EPB41L2: variants seen among roughly 807,000 people sequenced by gnomAD.
The protein encoded by EPB41L2 is band 4.1-like protein 2.
Under a neutral mutation model 113.0 loss-of-function variants are expected in EPB41L2, and 43 were observed. The observed-to-expected ratio is 0.38, with a 90% CI of 0.30 to 0.49. The LOEUF (loss-of-function observed/expected upper bound fraction) is 0.49. Ranked by LOEUF, EPB41L2 falls within the 20% of genes least tolerant of loss-of-function variation. EPB41L2 has a pLI of 0.95. For synonymous variants in EPB41L2, 442 were observed against 436.7 expected (o/e 1.01, Z -0.15); for missense variants, 1,147 against 1,223.4 (o/e 0.94, Z 0.93).
rs962163777 is a variant in EPB41L2 at position 130,880,326 on chromosome 6, A to C, written c.1834-120T>G. ...AGACATTAAAATAAAAGAGGAATAC[A>C]AATCTTATGAACTTAAAGCCACAAC... On this transcript the variant is annotated intron_variant, in intron 12 of 19. Coordinates refer to ENST00000337057, the MANE Select transcript of EPB41L2 (RefSeq NM_001431.4). 2.9e-5 allele frequency: 20 copies of C among 678,958 alleles called. 1 individual carries two copies. In the South Asian group the frequency reaches 3.7e-4, roughly 13 times the overall value. 42.1% of individuals were successfully genotyped at this position (678,958 alleles called of 1,614,324 possible). A position where few individuals can be genotyped will look rare whatever the true frequency, so the allele number is the denominator to read the frequency against.
intron 1 of EPB41L2, among the ~76,000 whole-genome samples, chr6:130,999,705 C>T (rs1424678392): frequency 6.6e-6 from 1 of 152,080 alleles, no homozygotes; most frequent in Non-Finnish European, 1.5e-5. Flanking sequence ...AGAAAACATG[C>T]TAAAATTAAT....
chr6:130,942,160 A>G (rs746072775), intron 3 of EPB41L2, among the ~76,000 whole-genome samples: 1 of 152,244 alleles, frequency 6.6e-6, no homozygotes, highest in Admixed American at 6.5e-5. Flanking sequence ...AATTCTGTCC[A>G]TGTTTCCACT....
intron 1 of EPB41L2, among the ~76,000 whole-genome samples, chr6:131,060,342 T>C (rs1287033167): frequency 6.6e-6 from 1 of 152,266 alleles, no homozygotes; most frequent in African/African-American, 2.4e-5. Context: ...CAGAACCTGA[T>C]GTTAAACATA....
At chr6:130,911,218 C>T (rs1583355253) in intron 4 of EPB41L2, among the ~76,000 whole-genome samples, 1 of 152,146 alleles carries the variant, frequency 6.6e-6, no homozygotes, top group East Asian at 1.9e-4. Flanking sequence ...AGTTCATGTC[C>T]TTTGCAGGGA....
intron 1 of EPB41L2, among the ~76,000 whole-genome samples, chr6:130,969,427 T>TAAACGCAAGA (rs1776211754): frequency 6.6e-6 from 1 of 152,204 alleles, no homozygotes; most frequent in Non-Finnish European, 1.5e-5. Flanking sequence ...GCTAGACTGT[T>TAAACGCAAGA]AGATTATATA....
In EPB41L2 at chr6:130,980,327, G is replaced by C. The variant is rs768501480; in HGVS notation, c.-14-23828C>G. 2.0e-5 allele frequency among the ~76,000 whole-genome samples: 3 copies of C among 152,102 alleles called. 1 individual carries two copies. Among genetic ancestry groups the C allele is most frequent in the South Asian group, 4.2e-4 (2 of 4,808 alleles). On this transcript the variant is annotated intron_variant, in intron 1 of 19. Transcript: ENST00000337057. Reference sequence around the variant, plus strand: ...TGTATGTTTAGGCTGTTTTTGTTTGGTGCAGTCTTTCGGTGGGAGAGATAG... The same window carrying C: ...TGTATGTTTAGGCTGTTTTTGTTTGCTGCAGTCTTTCGGTGGGAGAGATAG...
intron 19 of EPB41L2, among the ~76,000 whole-genome samples, chr6:130,847,847 A>T (rs1777496228): frequency 6.6e-6 from 1 of 152,168 alleles, no homozygotes; most frequent in South Asian, 2.1e-4. Flanking sequence ...GTTCTACAAA[A>T]TCTTAAAGCT....
intron 11 of EPB41L2, among the ~76,000 whole-genome samples, chr6:130,888,917 C>G (rs1791909121): frequency 6.6e-6 from 1 of 152,274 alleles, no homozygotes; most frequent in Non-Finnish European, 1.5e-5. Flanking sequence ...CAAATCCTGG[C>G]AAATATCTCT....
At chr6:130,985,176 C>T (rs1437603740) in intron 1 of EPB41L2, among the ~76,000 whole-genome samples, 1 of 152,174 alleles carries the variant, frequency 6.6e-6, no homozygotes, top group Non-Finnish European at 1.5e-5. Flanking sequence ...CCACCCTTTC[C>T]TGACTGATTC....
rs1416307330 is a variant in EPB41L2 at position 130,845,866 on chromosome 6, TACA to T, written c.*6-5271_*6-5269del. On this transcript the variant is annotated intron_variant, in intron 19 of 19. Coordinates refer to ENST00000337057, the MANE Select transcript of EPB41L2 (RefSeq NM_001431.4). ...ACGCCATTCCCGCTGCATACAGAAG[TACA>T]ACAATGTCTAGAGGAAAAGCATCTA... Among the ~76,000 whole-genome samples, 6 of 152,344 alleles carry T rather than the reference TACA, an allele frequency of 3.9e-5. No homozygotes were observed. The East Asian group carries it at 1.2e-3, about 29-fold the overall frequency.
At chr6:131,051,150 A>G (rs1796434418) in intron 1 of EPB41L2, among the ~76,000 whole-genome samples, 1 of 152,036 alleles carries the variant, frequency 6.6e-6, no homozygotes, top group African/African-American at 2.4e-5. Flanking sequence ...GACCAATAAC[A>G]TATCAGTCAT....
At position 131,059,113 on chromosome 6, in the gene EPB41L2, A is replaced by C. The variant is rs1798168166; in HGVS notation, c.-15+4042T>G. 1.8e-4 allele frequency among the ~76,000 whole-genome samples: 13 copies of C among 71,366 alleles called. 2 individuals carry two copies. The highest frequency in any genetic ancestry group is 3.5e-4 in the African/African-American group (6 of 17,248). 46.8% of individuals were successfully genotyped at this position (71,366 alleles called of 152,430 possible). ...TTCTTTCCTTCTTGGCTTACCTATA[A>C]CTTTTTTTTTTTTTTTTTTGAGATG... On this transcript the variant is annotated intron_variant, in intron 1 of 19. Coordinates refer to ENST00000337057, the MANE Select transcript of EPB41L2 (RefSeq NM_001431.4).
intron 1 of EPB41L2, among the ~76,000 whole-genome samples, chr6:130,966,577 A>G (rs2128644707): frequency 6.6e-6 from 1 of 152,318 alleles, no homozygotes; most frequent in Non-Finnish European, 1.5e-5. Context: ...AGAATGCAAG[A>G]GAGTAACAAC....
At chr6:131,007,334 C>T (rs1029585107) in intron 1 of EPB41L2, among the ~76,000 whole-genome samples, 3 of 152,188 alleles carry the variant, frequency 2.0e-5, no homozygotes, top group Admixed American at 1.3e-4. Flanking sequence ...TCCACCGTAA[C>T]TTTGTTTCCT....
chr6:131,031,292 C>A, intron 1 of EPB41L2, among the ~76,000 whole-genome samples: 1 of 151,552 alleles, frequency 6.6e-6, no homozygotes. Flanking sequence ...AGAAAATATA[C>A]AGAGATTTTT....
At chr6:131,054,478 T>G (rs984795690) in intron 1 of EPB41L2, among the ~76,000 whole-genome samples, 1 of 152,204 alleles carries the variant, frequency 6.6e-6, no homozygotes, top group Non-Finnish European at 1.5e-5. Flanking sequence ...TCCAAGTTGG[T>G]GCAAGTCCCT....
chr6:130,858,446 TC>T lies in EPB41L2; in HGVS notation c.2911-204del. ...CTCATTTCCTAAATCTCCCAATTCT[TC>T]AGTCCACTTTCAAATAATGACACGT... On this transcript the variant is annotated intron_variant, in intron 18 of 19. Coordinates refer to ENST00000337057, the MANE Select transcript of EPB41L2 (RefSeq NM_001431.4). The T allele has an allele frequency of 1.5e-5, 7 of 469,968 alleles. No individual in the cohort carries two copies. In the South Asian group the frequency reaches 1.9e-4, roughly 13 times the overall value. The allele number at this position is 469,968 out of a possible 1,614,324, so 29.1% of individuals were successfully genotyped here.
Position 130,956,283 on chromosome 6 carries a change from G to A in EPB41L2, c.203C>T (p.Thr68Ile), listed in dbSNP as rs1289374105. Reference sequence around the variant, plus strand: ...CCGAGAAATACCCCTGCTCTCCGATGTTTCCTTCTCTCTCTTCTGGCGGCG... The same window carrying A: ...CCGAGAAATACCCCTGCTCTCCGATATTTCCTTCTCTCTCTTCTGGCGGCG... Reference protein sequence around the residue: ...SLRRQKREKETSESRGISRFI... With the variant: ...SLRRQKREKEISESRGISRFI... The change falls in exon 2 of 20, where the codon ACA becomes ATA. Residue 68 changes from threonine (T) to isoleucine (I), a missense_variant. Thr to Ile is a moderately conservative substitution (Grantham distance 89, BLOSUM62 -1). Coordinates refer to ENST00000337057, the MANE Select transcript of EPB41L2 (RefSeq NM_001431.4). The A allele has an allele frequency of 2.5e-6, 4 of 1,614,126 alleles. No homozygotes were observed. The South Asian group carries it at 4.4e-5, about 18-fold the overall frequency.
At chr6:130,987,602 A>AGAATC (rs1780865577) in intron 1 of EPB41L2, among the ~76,000 whole-genome samples, 1 of 152,146 alleles carries the variant, frequency 6.6e-6, no homozygotes, top group East Asian at 1.9e-4. Flanking sequence ...CTGAGGCAGG[A>AGAATC]GAATCACTTG....
Sources: gnomAD v4.1 joint callset for allele counts (sites outside exome capture counted in the v4.1 genomes callset) on GRCh38, gnomAD v4.1.1 for gene constraint, MANE v1.5 for transcripts, NCBI Gene and HGNC (gene_info 2026-07-23, HGNC 2026-07-21) for gene names.